The following TCF4 variants were observed in gnomAD, a reference collection of about 807,000 sequenced individuals.
TCF4 encodes the protein transcription factor 4, also known as SL3-3 enhancer factor 2.
Under a neutral mutation model 82.1 loss-of-function variants are expected in TCF4, and 3 were observed. The ratio of observed to expected loss-of-function variants is 0.04; its 90% CI spans 0.02 to 0.09. The LOEUF (loss-of-function observed/expected upper bound fraction) is 0.09. TCF4 is among the 10% of genes least tolerant of loss of function. The pLI, the probability that TCF4 is intolerant of heterozygous loss-of-function variation, is 1.00. For missense variants in TCF4, 518 were observed against 852.7 expected (o/e 0.61, Z 4.89); for synonymous variants, 276 against 309.6 (o/e 0.89, Z 1.14).
chr18:55,329,201 C>T (rs1387677788), intron 8 of TCF4, among the ~76,000 whole-genome samples: 2 of 152,172 alleles, frequency 1.3e-5, no homozygotes, highest in Admixed American at 6.5e-5. Context: ...CAAGGCCAAT[C>T]GATAGCCTAA....
chr18:55,562,779 G>A (rs545189661), intron 3 of TCF4, among the ~76,000 whole-genome samples: 5 of 151,894 alleles, frequency 3.3e-5, no homozygotes, highest in Admixed American at 3.3e-4. Context: ...AAACAACTTA[G>A]CCTTCTACCA....
chr18:55,300,036 C>G (rs929523585), intron 8 of TCF4, among the ~76,000 whole-genome samples: 3 of 151,896 alleles, frequency 2.0e-5, no homozygotes, highest in Non-Finnish European at 4.4e-5. Context: ...TCTTCCTGTC[C>G]CTATGCAGCA....
chr18:55,254,395 T>C, intron 15 of TCF4, 102 bp downstream of exon 15: 3 of 1,125,326 alleles, frequency 2.7e-6, no homozygotes, highest in South Asian at 1.3e-5. Flanking sequence ...GTGAATTATA[T>C]CTCAATAAAG....
chr18:55,516,825 C>A (rs924764645), intron 3 of TCF4, among the ~76,000 whole-genome samples: 4 of 151,566 alleles, frequency 2.6e-5, no homozygotes, highest in Non-Finnish European at 5.9e-5. Context: ...AATGATATCA[C>A]AGAGGTACCA....
Position 55,580,025 on chromosome 18 carries a change from A to T in TCF4, c.145+5255T>A, listed in dbSNP as rs182575796. On this transcript the variant is annotated intron_variant, in intron 3 of 19. Transcript: ENST00000354452. ...TGGCTGTTCATCTGTTATTTAAGTG[A>T]TTTCCTCATTACAATAGTAGGGTAA... Among the ~76,000 whole-genome samples, 99 of 152,102 alleles carry T rather than the reference A, an allele frequency of 6.5e-4. 1 individual carries two copies. The East Asian group carries it at 0.018, about 27-fold the overall frequency.
chr18:55,527,666 C>A (rs999650929), intron 3 of TCF4, among the ~76,000 whole-genome samples: 1 of 152,052 alleles, frequency 6.6e-6, no homozygotes, highest in African/African-American at 2.4e-5. Context: ...TCAATAAATA[C>A]AGGCTGAATG....
chr18:55,254,844 C>T (rs2056384653), intron 14 of TCF4, 144 bp from the exon 15 acceptor site: 2 of 802,420 alleles, frequency 2.5e-6, no homozygotes, highest in African/African-American at 3.4e-5. Flanking sequence ...AACAATAATA[C>T]AAATAGTGTT....
At chr18:55,493,894 C>T (rs1450080861) in intron 3 of TCF4, among the ~76,000 whole-genome samples, 2 of 151,952 alleles carry the variant, frequency 1.3e-5, no homozygotes, top group African/African-American at 4.8e-5. Flanking sequence ...TGCACCTGTC[C>T]CATCAACCCA....
At chr18:55,565,247 A>G (rs655294) in intron 3 of TCF4, among the ~76,000 whole-genome samples, 1 of 152,142 alleles carries the variant, frequency 6.6e-6, no homozygotes, top group Non-Finnish European at 1.5e-5. Context: ...TTCTGCTTCC[A>G]AAAGTATGAC....
intron 8 of TCF4, among the ~76,000 whole-genome samples, chr18:55,311,674 T>C (rs1240079156): frequency 2.0e-5 from 3 of 152,210 alleles, no homozygotes; most frequent in South Asian, 4.1e-4. Context: ...TGGCCCTCCA[T>C]AGTCTTAGCC....
At chr18:55,564,748 C>A (rs575538224) in intron 3 of TCF4, among the ~76,000 whole-genome samples, 2 of 152,218 alleles carry the variant, frequency 1.3e-5, no homozygotes, top group South Asian at 4.2e-4. Context: ...ATCTTGGAAA[C>A]AAGAGATGAC....
chr18:55,295,215 G>T (rs917712866), intron 8 of TCF4, among the ~76,000 whole-genome samples: 17 of 152,230 alleles, frequency 1.1e-4, no homozygotes, highest in African/African-American at 2.9e-4. Context: ...ACCATGTGTT[G>T]CTGTCTTCTG....
At chr18:55,382,478 T>C (rs920722235) in intron 6 of TCF4, among the ~76,000 whole-genome samples, 2 of 152,062 alleles carry the variant, frequency 1.3e-5, no homozygotes, top group East Asian at 3.9e-4. Context: ...ATTTCTGAGA[T>C]GTTGAAATGT....
At chr18:55,411,630 C>A (rs1392208496) in intron 5 of TCF4, among the ~76,000 whole-genome samples, 2 of 152,150 alleles carry the variant, frequency 1.3e-5, no homozygotes, top group Non-Finnish European at 2.9e-5. Flanking sequence ...GGCTAAGAAA[C>A]CTTGCTGATC....
chr18:55,539,451 T>C (rs980409202), intron 3 of TCF4, among the ~76,000 whole-genome samples: 3 of 152,198 alleles, frequency 2.0e-5, no homozygotes, highest in African/African-American at 7.2e-5. Flanking sequence ...ATAAAATTAA[T>C]GTAAAAACTA....
chr18:55,575,600 GCA>G (rs1568439000), intron 3 of TCF4, among the ~76,000 whole-genome samples: 1 of 151,742 alleles, frequency 6.6e-6, no homozygotes, highest in Non-Finnish European at 1.5e-5. Flanking sequence ...TCTATACCAA[GCA>G]CAGTCATTCA....
At chr18:55,380,714 C>T (rs765146653) in intron 6 of TCF4, among the ~76,000 whole-genome samples, 4 of 152,214 alleles carry the variant, frequency 2.6e-5, no homozygotes, top group African/African-American at 7.2e-5. Flanking sequence ...GATGCTCATT[C>T]GCATGGTGAA....
rs936055604 is a variant in TCF4, at chr18:55,401,921, T to A, written c.369+1533A>T. Reference sequence around the variant, plus strand: ...AACTTTCTTCTCCCCAAAACTCTAATGACCTCCGCCTTGACCCTCAGAAAC... The same window carrying A: ...AACTTTCTTCTCCCCAAAACTCTAAAGACCTCCGCCTTGACCCTCAGAAAC... On this transcript the variant is annotated intron_variant, in intron 6 of 19. Coordinates refer to ENST00000354452, the MANE Select transcript of TCF4 (RefSeq NM_001083962.2). 3.5e-6 allele frequency: 3 copies of A among 847,228 alleles called. No homozygotes were observed. In the African/African-American group the frequency reaches 5.5e-5, roughly 16 times the overall value. The allele number at this position is 847,228 out of a possible 1,614,324, so 52.5% of individuals were successfully genotyped here.
At chr18:55,603,464 GTATTAT>G (rs371440891) in intron 2 of TCF4, among the ~76,000 whole-genome samples, 1 of 152,014 alleles carries the variant, frequency 6.6e-6, no homozygotes, top group Non-Finnish European at 1.5e-5. Flanking sequence ...ATTAAGTTAG[GTATTAT>G]TATTATTATT....
Sources: allele counts gnomAD v4.1 joint callset (sites outside exome capture counted in the v4.1 genomes callset), GRCh38; gene constraint gnomAD v4.1.1; transcripts MANE v1.5; gene names NCBI Gene and HGNC (gene_info 2026-07-23, HGNC 2026-07-21).